Variants in MED15 observed in about 807,000 individuals in gnomAD.
The protein encoded by MED15 is mediator complex subunit 15.
MED15 carries 41 observed loss-of-function variants against 118.7 expected under a neutral mutation model. The observed-to-expected ratio is 0.35, with a 90% CI of 0.27 to 0.45. The LOEUF (loss-of-function observed/expected upper bound fraction) is 0.45, where lower values mean the gene tolerates loss of function less well. Among genes scored for constraint, MED15 ranks in the 20% least tolerant of loss-of-function variants. The pLI is 1.00. For missense variants in MED15, 740 were observed against 1,025.5 expected (o/e 0.72, Z 3.80); for synonymous variants, 436 against 413.9 (o/e 1.05, Z -0.65).
Position 20,564,616 on chromosome 22 carries a change from G to A in MED15, c.618G>A (p.Gln206=), listed in dbSNP as rs769218375. Residue 206 remains glutamine (Q), a synonymous_variant, in exon 6 of 18, where the codon CAG becomes CAA. Transcript: ENST00000263205. The stretch of plus-strand genomic sequence containing the variant: ...AGCAGTTCCAAGCAGTAGTGCAGCA[G>A]CAGCAGCAGCTCCAGCAGCAGCAGC... The part of the protein sequence containing the change: ...MQQQFQAVVQ[Q]QQQLQQQQQQ... The A allele has an allele frequency of 1.9e-6, 3 of 1,610,908 alleles. No individual in the cohort carries two copies. The highest frequency in any genetic ancestry group is 1.1e-5 in the South Asian group (1 of 90,584).
chr22:20,509,773 T>C (rs1342821988), intron 1 of MED15, among the ~76,000 whole-genome samples: 2 of 152,154 alleles, frequency 1.3e-5, no homozygotes, highest in African/African-American at 4.8e-5. Flanking sequence ...AATATAGTTA[T>C]CTGTAGGTGA....
chr22:20,553,082 T>A, intron 3 of MED15, 63 bp from the exon 4 acceptor site: 1 of 1,509,860 alleles, frequency 6.6e-7, no homozygotes, highest in South Asian at 1.1e-5. Flanking sequence ...GACCTACCCA[T>A]GGAAATATGT....
Position 20,566,464 on chromosome 22 carries a change from T to G in MED15, c.691-3T>G, listed in dbSNP as rs1241762354. The G allele has an allele frequency of 1.2e-6, 2 of 1,611,910 alleles. No individual in the cohort carries two copies. Among genetic ancestry groups the G allele is most frequent in the Non-Finnish European group, 8.5e-7 (1 of 1,179,938 alleles). On this transcript the variant is annotated splice_polypyrimidine_tract_variant and splice_region_variant and intron_variant, in intron 6 of 17. Coordinates refer to ENST00000263205, the MANE Select transcript of MED15 (RefSeq NM_001003891.3). The stretch of plus-strand genomic sequence containing the variant: ...AACCGAGTGCTGCTTGTTCTGTCTC[T>G]AGATACAGCAGCAGCAACAGCAGCT...
At chr22:20,561,820 A>G (rs1289414434) in intron 5 of MED15, among the ~76,000 whole-genome samples, 6 of 151,844 alleles carry the variant, frequency 4.0e-5, no homozygotes, top group African/African-American at 1.5e-4. Context: ...TTCAAGACCA[A>G]CCTCGGCAAA....
intron 1 of MED15, among the ~76,000 whole-genome samples, chr22:20,511,273 G>A (rs1269494075): frequency 1.3e-5 from 2 of 152,086 alleles, no homozygotes; most frequent in African/African-American, 4.8e-5. Context: ...CACCCTGGGA[G>A]GCTGAGATCT....
chr22:20,555,768 T>C (rs1471075884), intron 5 of MED15, among the ~76,000 whole-genome samples: 1 of 152,244 alleles, frequency 6.6e-6, no homozygotes, highest in East Asian at 1.9e-4. Context: ...GTGGGCCACA[T>C]TGGAGTGCAG....
chr22:20,576,834 T>G (rs963066623), intron 9 of MED15, among the ~76,000 whole-genome samples: 3 of 152,140 alleles, frequency 2.0e-5, no homozygotes, highest in Non-Finnish European at 4.4e-5. Context: ...CTAGACCCCT[T>G]TGGGTTCTGC....
chr22:20,558,477 G>A (rs1457336438), intron 5 of MED15, among the ~76,000 whole-genome samples: 1 of 152,190 alleles, frequency 6.6e-6, no homozygotes, highest in East Asian at 1.9e-4. Context: ...TGGAAGCAAA[G>A]CTTTTCACTC....
rs1181281827 is a variant in MED15 at position 20,545,498 on chromosome 22, CAA to C, written c.157-5935_157-5934del. Among the ~76,000 whole-genome samples the C allele has an allele frequency of 8.0e-4, 107 of 134,006 alleles. 1 individual carries two copies. Among genetic ancestry groups the C allele is most frequent in the Admixed American group, 2.4e-3 (33 of 13,656 alleles). 87.9% of individuals were successfully genotyped at this position (134,006 alleles called of 152,430 possible). ...CAAAAAAAAAAAAAAAAAAAAGAAA[CAA>C]AATGCTTTAAAATTGATTTTGGTAA... On this transcript the variant is annotated intron_variant, in intron 2 of 17. Coordinates refer to ENST00000263205, the MANE Select transcript of MED15 (RefSeq NM_001003891.3).
At chr22:20,523,670 A>G (rs2054537076) in intron 1 of MED15, 1 of 985,198 alleles carries the variant, frequency 1.0e-6, no homozygotes, top group South Asian at 4.7e-5. Flanking sequence ...TGAATGGGAC[A>G]CTTTCAGGCG....
chr22:20,560,410 G>A (rs1051307069), intron 5 of MED15, among the ~76,000 whole-genome samples: 25 of 152,174 alleles, frequency 1.6e-4, no homozygotes, highest in East Asian at 7.7e-4. Context: ...GACTACAGGC[G>A]CGCGCCACTA....
chr22:20,508,794 CAG>C (rs1189487570), intron 1 of MED15, among the ~76,000 whole-genome samples: 1 of 152,158 alleles, frequency 6.6e-6, no homozygotes, highest in Non-Finnish European at 1.5e-5. Context: ...GTGCAAGTCA[CAG>C]GGGATGCGAT....
chr22:20,538,596 C>T (rs1394223955), intron 2 of MED15, among the ~76,000 whole-genome samples: 2 of 152,134 alleles, frequency 1.3e-5, no homozygotes, highest in Non-Finnish European at 2.9e-5. Flanking sequence ...AGTCACACTC[C>T]CTTTTCCTTC....
At chr22:20,564,292 A>G (rs982176759) in intron 5 of MED15, among the ~76,000 whole-genome samples, 158 bp from the exon 6 acceptor site, 5 of 152,202 alleles carry the variant, frequency 3.3e-5, no homozygotes, top group African/African-American at 1.2e-4. Flanking sequence ...GCTACTTCGT[A>G]TTCTATCTTT....
chr22:20,580,430 A>T (rs1311214472), intron 9 of MED15, among the ~76,000 whole-genome samples: 1 of 152,084 alleles, frequency 6.6e-6, no homozygotes, highest in Non-Finnish European at 1.5e-5. Flanking sequence ...CATCTTCTAG[A>T]AGGGACAGCT....
At chr22:20,574,713 T>C (rs1259437174) in intron 8 of MED15, 1 of 174,528 alleles carries the variant, frequency 5.7e-6, no homozygotes, top group Non-Finnish European at 1.2e-5. Flanking sequence ...TGGAATGTAC[T>C]CTTGACATCT....
chr22:20,578,069 C>T (rs879911525), intron 9 of MED15, among the ~76,000 whole-genome samples: 3 of 152,212 alleles, frequency 2.0e-5, no homozygotes, highest in East Asian at 1.9e-4. Flanking sequence ...GGACTACAGG[C>T]GCCTGCCACC....
At chr22:20,559,565 C>G (rs1013821521) in intron 5 of MED15, among the ~76,000 whole-genome samples, 1 of 152,240 alleles carries the variant, frequency 6.6e-6, no homozygotes, top group Non-Finnish European at 1.5e-5. Context: ...GCCATCTCAT[C>G]TGCTGTGAGA....
chr22:20,519,914 T>C (rs1420772817), intron 1 of MED15, among the ~76,000 whole-genome samples: 1 of 152,210 alleles, frequency 6.6e-6, no homozygotes, highest in East Asian at 1.9e-4. Flanking sequence ...CGTTTCCTTT[T>C]ATTTGTTTCT....
Sources: allele counts gnomAD v4.1 joint callset (sites outside exome capture counted in the v4.1 genomes callset), GRCh38; gene constraint gnomAD v4.1.1; transcripts MANE v1.5; gene names NCBI Gene and HGNC (gene_info 2026-07-23, HGNC 2026-07-21).